The following KCNT1 variants were observed in gnomAD, a reference collection of about 807,000 sequenced individuals.
KCNT1 encodes the protein potassium channel subfamily T member 1.
A neutral mutation model predicts 147.8 loss-of-function variants in KCNT1; 78 were observed. That is an observed-to-expected ratio of 0.53 (90% CI 0.44 to 0.64). The LOEUF (loss-of-function observed/expected upper bound fraction) is 0.64. KCNT1 is among the 30% of genes least tolerant of loss of function. The pLI is 0.00. For synonymous variants in KCNT1, 867 were observed against 748.8 expected, an observed-to-expected ratio of 1.16 and a Z score of -2.58; for missense variants, 1,419 against 1,750.3, an observed-to-expected ratio of 0.81 and a Z score of 3.38.
chr9:135,758,584 A>G (rs1831678583), intron 10 of KCNT1, 76 bp downstream of exon 10: 2 of 1,173,448 alleles, frequency 1.7e-6, no homozygotes, highest in East Asian at 4.7e-5. Context: ...GGGCGAGGGG[A>G]TACAGATGCC....
rs202113794 is a variant in KCNT1, at chr9:135,757,143, C to T, written c.601-13C>T. On this transcript the variant is annotated splice_polypyrimidine_tract_variant and intron_variant, in intron 7 of 30. Coordinates refer to ENST00000371757, the MANE Select transcript of KCNT1 (RefSeq NM_020822.3). ...CTCCATCGCCCCCGCTGATACCCCC[C>T]GTTTGGCCCCAGGGCAACATCTGGG... 4.4e-5 allele frequency: 70 copies of T among 1,607,014 alleles called. No homozygotes were observed. Among genetic ancestry groups the T allele is most frequent in the Non-Finnish European group, 5.7e-5 (67 of 1,178,940 alleles).
At chr9:135,784,487 C>CAA in intron 25 of KCNT1, 48 bp from the exon 26 acceptor site, 1 of 118,502 alleles carries the variant, frequency 8.4e-6, no homozygotes, top group East Asian at 9.3e-5. Context: ...CTGTGGCTCC[C>CAA]TCCCTCCCTC....
intron 29 of KCNT1, among the ~76,000 whole-genome samples, chr9:135,787,002 C>A (rs552828597): frequency 1.9e-4 from 29 of 152,312 alleles, no homozygotes; most frequent in African/African-American, 6.5e-4. Context: ...ACAGCGGATA[C>A]CCAGGGTCCC....
At chr9:135,756,532 A>G (rs1831489767) in intron 6 of KCNT1, among the ~76,000 whole-genome samples, 1 of 152,128 alleles carries the variant, frequency 6.6e-6, no homozygotes, top group Admixed American at 6.5e-5. Flanking sequence ...AGGTCCACTG[A>G]GCCTCCATCT....
At chr9:135,756,800 C>A (rs974550207) in intron 6 of KCNT1, 73 bp from the exon 7 acceptor site, 12 of 1,258,064 alleles carry the variant, frequency 9.5e-6, no homozygotes, top group Admixed American at 5.0e-5. Context: ...TACCTGCCCG[C>A]GAGGCCTGTG....
chr9:135,750,283 C>A, intron 3 of KCNT1, 106 bp downstream of exon 3: 1 of 873,650 alleles, frequency 1.1e-6, no homozygotes, highest in Non-Finnish European at 1.9e-6. Flanking sequence ...AGGGAGAGTC[C>A]ATGGGGTGGG....
intron 24 of KCNT1, among the ~76,000 whole-genome samples, chr9:135,782,128 C>T (rs1415922382): frequency 6.6e-6 from 1 of 152,134 alleles, no homozygotes; most frequent in African/African-American, 2.4e-5. Flanking sequence ...TGTTTGAACC[C>T]GGGATGCAGA....
intron 2 of KCNT1, chr9:135,742,626 G>C (rs575333292): frequency 1.7e-5 from 11 of 654,880 alleles, no homozygotes; most frequent in Admixed American, 9.1e-5. Context: ...GCCTCCCTGC[G>C]TGTCTGTGCC....
chr9:135,721,915 G>T (rs926252441), intron 2 of KCNT1, among the ~76,000 whole-genome samples: 3 of 152,216 alleles, frequency 2.0e-5, no homozygotes, highest in African/African-American at 7.2e-5. Flanking sequence ...CCTCTGCTGT[G>T]GAGACTGTGG....
intron 1 of KCNT1, among the ~76,000 whole-genome samples, chr9:135,709,625 C>T (rs570186362): frequency 2.0e-5 from 3 of 152,296 alleles, no homozygotes; most frequent in South Asian, 4.1e-4. Context: ...GGTGGCTTGT[C>T]TTTACTTGTG....
intron 26 of KCNT1, 28 bp downstream of exon 26, chr9:135,784,646 G>A (rs1833896489): frequency 1.2e-6 from 2 of 1,611,444 alleles, no homozygotes; most frequent in Middle Eastern, 1.7e-4. Context: ...CGCTGGGCTG[G>A]GGGCGTGCTG....
At chr9:135,726,829 CACTCTCTCCCTG>C (rs1418785195) in intron 2 of KCNT1, among the ~76,000 whole-genome samples, 5 of 138,630 alleles carry the variant, frequency 3.6e-5, no homozygotes, top group African/African-American at 1.1e-4. Flanking sequence ...CCCATTCTCT[CACTCTCTCCCTG>C]TCTCTCTCCC....
At chr9:135,723,206 G>T (rs970588021) in intron 2 of KCNT1, among the ~76,000 whole-genome samples, 1 of 152,214 alleles carries the variant, frequency 6.6e-6, no homozygotes, top group Non-Finnish European at 1.5e-5. Context: ...TGCAGAGCTC[G>T]CCTGCAGGGC....
intron 20 of KCNT1, among the ~76,000 whole-genome samples, chr9:135,776,710 C>T (rs945398978): frequency 3.3e-5 from 5 of 152,332 alleles, no homozygotes; most frequent in South Asian, 2.1e-4. Context: ...AATCTGTGGC[C>T]GGTCATTGCA....
chr9:135,754,778 T>C (rs994032387), intron 5 of KCNT1, among the ~76,000 whole-genome samples: 4 of 152,166 alleles, frequency 2.6e-5, no homozygotes, highest in Admixed American at 2.0e-4. Context: ...CAGGCTGCTG[T>C]TGCCTGTCGT....
chr9:135,759,456 G>T (rs1831751977), intron 10 of KCNT1, among the ~76,000 whole-genome samples: 1 of 152,240 alleles, frequency 6.6e-6, no homozygotes, highest in South Asian at 2.1e-4. Flanking sequence ...AAGCTGCATT[G>T]TCAGCCAGCG....
At position 135,714,769 on chromosome 9, in the gene KCNT1, C is replaced by G. The variant is rs1288726223; in HGVS notation, c.254+49C>G. On this transcript the variant is annotated intron_variant, in intron 2 of 30. Coordinates refer to ENST00000371757, the MANE Select transcript of KCNT1 (RefSeq NM_020822.3). This position sits in a 1 kb window ranked among gnomAD's most constrained non-coding sequence, Gnocchi z 6.2. ...GGCTGGGGTCGCCGTCCCGGCGCCG[C>G]CGCACGCCCGGAGCTGTCCGCGGTG... 6.8e-6 allele frequency: 8 copies of G among 1,180,798 alleles called. No homozygotes were observed. Among genetic ancestry groups the G allele is most frequent in the Admixed American group, 4.3e-5 (1 of 23,136 alleles). The allele number at this position is 1,180,798 out of a possible 1,614,324, so 73.1% of individuals were successfully genotyped here.
At chr9:135,775,754 A>G (rs1375749612) in intron 20 of KCNT1, among the ~76,000 whole-genome samples, 2 of 152,146 alleles carry the variant, frequency 1.3e-5, no homozygotes, top group Non-Finnish European at 2.9e-5. Flanking sequence ...ACTACAGCTC[A>G]TTAGGACAGG....
chr9:135,778,734 G>A lies in KCNT1; in HGVS notation c.2641G>A (p.Val881Met). 6.2e-7 allele frequency: 1 copy of A among 1,613,756 alleles called. No individual in the cohort carries two copies. The change falls in exon 23 of 31, where the codon GTG (valine) becomes ATG (methionine). Residue 881 changes from valine (V) to methionine (M), a missense_variant. Physicochemically the swap from Val to Met is conservative, Grantham distance 21. Coordinates refer to ENST00000371757, the MANE Select transcript of KCNT1 (RefSeq NM_020822.3). ...QCGIIYADNL[V>M]VVDKESTMSA... The stretch of plus-strand genomic sequence containing the variant: ...TGGCATCATCTATGCGGACAACCTG[G>A]TGGTGGTGGACAAGGAGAGCACCAT...
Sources: gnomAD v4.1 joint callset for allele counts (sites outside exome capture counted in the v4.1 genomes callset) on GRCh38, gnomAD v4.1.1 for gene constraint, Gnocchi (gnomAD v3.1) non-coding constraint, MANE v1.5 for transcripts, NCBI Gene and HGNC (gene_info 2026-07-23, HGNC 2026-07-21) for gene names.